NGF: variants seen among roughly 807,000 people sequenced by gnomAD.
The protein encoded by NGF is nerve growth factor.
NGF carries 4 observed loss-of-function variants against 12.8 expected under a neutral mutation model. That is an observed-to-expected ratio of 0.31 (90% CI 0.15 to 0.72). The LOEUF is 0.72. NGF is among the 30% of genes least tolerant of loss of function. The probability of loss-of-function intolerance (pLI) is 0.69; values close to 1 mark genes in which losing one functional copy is unlikely to be tolerated. For synonymous variants in NGF, 140 were observed against 130.0 expected, an observed-to-expected ratio of 1.08 and a Z score of -0.52; for missense variants, 283 against 330.8, an observed-to-expected ratio of 0.86 and a Z score of 1.12.
Position 115,286,764 on chromosome 1 carries a change from G to A in NGF, c.32C>T (p.Ala11Val). The A allele has an allele frequency of 6.2e-7, 1 of 1,614,186 alleles. No homozygotes were observed. The highest frequency in any genetic ancestry group is 8.5e-7 in the Non-Finnish European group (1 of 1,180,042). ...TTCCGCCTGTATGCCGATCAGAAAA[G>A]CTGTGATCAGAGTGTAGAACAACAT... MSMLFYTLIT[A>V]FLIGIQAEPH... Residue 11 changes from alanine (A) to valine (V), a missense_variant, in exon 3 of 3, where the codon GCT becomes GTT. Physicochemically the swap from Ala to Val is moderately conservative, Grantham distance 64. Transcript: ENST00000369512.
intron 1 of NGF, among the ~76,000 whole-genome samples, chr1:115,299,576 C>T (rs1653971983): frequency 6.6e-6 from 1 of 152,150 alleles, no homozygotes; most frequent in Admixed American, 6.6e-5. Flanking sequence ...GATAAGACAT[C>T]TAAACACACA....
intron 2 of NGF, among the ~76,000 whole-genome samples, chr1:115,290,576 T>C (rs771385224): frequency 5.3e-5 from 8 of 151,814 alleles, no homozygotes; most frequent in Admixed American, 2.0e-4. Flanking sequence ...TTCTATTTTT[T>C]GCAGAGGCGG....
rs368041850 is a variant in NGF at position 115,333,655 on chromosome 1, C to CTCTTTCTT, written c.-137+4541_-137+4548dup. The stretch of plus-strand genomic sequence containing the variant: ...GAGCTCCTTAAGACTTTCTTTCTTT[C>CTCTTTCTT]TCTTTCTTTCTTTCTTTCTTTCTTT... On this transcript the variant is annotated intron_variant, in intron 1 of 2. Coordinates refer to ENST00000369512, the MANE Select transcript of NGF (RefSeq NM_002506.3). 1.9e-3 allele frequency among the ~76,000 whole-genome samples: 261 copies of CTCTTTCTT among 135,184 alleles called. 5 individuals carry two copies. Among genetic ancestry groups the CTCTTTCTT allele is most frequent in the Non-Finnish European group, 3.0e-3 (186 of 62,208 alleles). The allele number at this position is 135,184 out of a possible 152,430, so 88.7% of individuals were successfully genotyped here.
intron 1 of NGF, among the ~76,000 whole-genome samples, chr1:115,314,354 C>G (rs1654415925): frequency 6.6e-6 from 1 of 152,178 alleles, no homozygotes. Flanking sequence ...CCCTGTTTTC[C>G]TCATCACACA....
chr1:115,303,968 A>G (rs1654122471), intron 1 of NGF, among the ~76,000 whole-genome samples: 2 of 151,950 alleles, frequency 1.3e-5, no homozygotes, highest in South Asian at 4.2e-4. Flanking sequence ...TCATTATACT[A>G]TTTTCTAGCA....
chr1:115,332,151 A>G (rs1482335505), intron 1 of NGF, among the ~76,000 whole-genome samples: 1 of 152,210 alleles, frequency 6.6e-6, no homozygotes, highest in African/African-American at 2.4e-5. Context: ...AAGGAAGCAA[A>G]ACATTCTTAA....
chr1:115,307,526 TC>T (rs1654234509), intron 1 of NGF, among the ~76,000 whole-genome samples: 1 of 152,200 alleles, frequency 6.6e-6, no homozygotes, highest in South Asian at 2.1e-4. Context: ...CTTACAGTAC[TC>T]AGCTTGTGCT....
intron 1 of NGF, among the ~76,000 whole-genome samples, chr1:115,314,126 C>T (rs1571087330): frequency 6.6e-6 from 1 of 152,138 alleles, no homozygotes; most frequent in East Asian, 1.9e-4. Flanking sequence ...AGAAGTGTAG[C>T]AGAAATAAAC....
intron 1 of NGF, among the ~76,000 whole-genome samples, chr1:115,333,452 G>A (rs932829296): frequency 2.2e-5 from 3 of 137,700 alleles, no homozygotes; most frequent in Admixed American, 7.8e-5. Flanking sequence ...CCCAGTGGTG[G>A]ATTTTCAGGG....
At chr1:115,297,421 C>T (rs956916286) in intron 1 of NGF, among the ~76,000 whole-genome samples, 2 of 152,122 alleles carry the variant, frequency 1.3e-5, no homozygotes, top group African/African-American at 2.4e-5. Flanking sequence ...CTCTTCTGGA[C>T]CATACTCCTA....
intron 1 of NGF, among the ~76,000 whole-genome samples, chr1:115,310,056 T>C (rs1395539358): frequency 6.6e-6 from 1 of 152,224 alleles, no homozygotes; most frequent in Non-Finnish European, 1.5e-5. Flanking sequence ...GAAAATCTTC[T>C]GCAAGAATTT....
intron 1 of NGF, among the ~76,000 whole-genome samples, chr1:115,314,729 C>T (rs1036223634): frequency 7.2e-5 from 11 of 152,152 alleles, no homozygotes; most frequent in African/African-American, 2.7e-4. Context: ...AACTATTATG[C>T]ACCAAAGCAC....
chr1:115,333,718 CTTTCT>C (rs1557949358), intron 1 of NGF, among the ~76,000 whole-genome samples: 17 of 112,108 alleles, frequency 1.5e-4, no homozygotes, highest in African/African-American at 6.5e-4. Context: ...TCTTTCTTTT[CTTTCT>C]TTCCTTCTTT....
chr1:115,332,248 G>T (rs1258355697), intron 1 of NGF, among the ~76,000 whole-genome samples: 1 of 152,214 alleles, frequency 6.6e-6, no homozygotes, highest in Non-Finnish European at 1.5e-5. Context: ...CTGAGGAGAA[G>T]TTTGCCTCTG....
chr1:115,325,290 A>G (rs1264270874), intron 1 of NGF, among the ~76,000 whole-genome samples: 1 of 152,140 alleles, frequency 6.6e-6, no homozygotes, highest in African/African-American at 2.4e-5. Context: ...GATGCTGGAG[A>G]CAGTCAGGGT....
At chr1:115,296,703 A>G (rs11102918) in intron 1 of NGF, among the ~76,000 whole-genome samples, 12,958 of 152,276 alleles carry the variant, frequency 0.085, 1,228 homozygotes, top group African/African-American at 0.23. Flanking sequence ...TTACTACTGC[A>G]GAGAGAAATT....
chr1:115,310,700 C>T (rs1378971469), intron 1 of NGF, among the ~76,000 whole-genome samples: 2 of 152,158 alleles, frequency 1.3e-5, no homozygotes, highest in Non-Finnish European at 2.9e-5. Context: ...TCAGATTCTC[C>T]TTTATTTATT....
intron 1 of NGF, among the ~76,000 whole-genome samples, chr1:115,320,517 C>A (rs1654592127): frequency 6.6e-6 from 1 of 152,016 alleles, no homozygotes; most frequent in South Asian, 2.1e-4. Flanking sequence ...ATCTGACAAC[C>A]AAGCAGGCTA....
At chr1:115,336,635 T>C (rs1425011664) in intron 1 of NGF, among the ~76,000 whole-genome samples, 2 of 152,212 alleles carry the variant, frequency 1.3e-5, no homozygotes, top group African/African-American at 4.8e-5. Flanking sequence ...CTTTCTTCTG[T>C]GACTCTGCAG....
Sources: gnomAD v4.1 joint callset for allele counts (sites outside exome capture counted in the v4.1 genomes callset) on GRCh38, gnomAD v4.1.1 for gene constraint, MANE v1.5 for transcripts, NCBI Gene and HGNC (gene_info 2026-07-23, HGNC 2026-07-21) for gene names.